Variants in ABCG8 observed in about 807,000 individuals in gnomAD.
ABCG8 encodes ATP-binding cassette sub-family G member 8.
ABCG8 carries 81 observed loss-of-function variants against 71.3 expected under a neutral mutation model. The observed-to-expected ratio is 1.14, with a 90% CI of 0.95 to 1.37. The LOEUF (loss-of-function observed/expected upper bound fraction) is 1.37. ABCG8 is among the 40% of genes most tolerant of loss of function. The pLI is 0.00. For synonymous variants in ABCG8, 451 were observed against 354.7 expected, an observed-to-expected ratio of 1.27 and a Z score of -3.05; for missense variants, 1,119 against 866.2, an observed-to-expected ratio of 1.29 and a Z score of -3.66.
At position 43,881,253 on chromosome 2, in the gene ABCG8, T is replaced by C. The variant is rs563973760; in HGVS notation, c.*3340T>C. ...GGAGGGATGGAGAAAATATAGCAGC[T>C]GCCATTTATTTGTGTTTTTCCTACA... On this transcript the variant is annotated 3_prime_UTR_variant, in exon 13 of 13. Transcript: ENST00000272286. 1.8e-3 allele frequency: 274 copies of C among 152,382 alleles called. No individual in the cohort carries two copies. Among genetic ancestry groups the C allele is most frequent in the Non-Finnish European group, 2.5e-3 (173 of 68,052 alleles). The allele number at this position is 152,382 out of a possible 1,614,324, so 9.4% of individuals were successfully genotyped here. A position where few individuals can be genotyped will look rare whatever the true frequency, so the allele number is the denominator to read the frequency against.
intron 3 of ABCG8, among the ~76,000 whole-genome samples, chr2:43,850,480 G>A (rs1273813400): frequency 1.3e-5 from 2 of 152,124 alleles, no homozygotes; most frequent in African/African-American, 2.4e-5. Flanking sequence ...TTAGGTTTGG[G>A]GATGCACAAG....
At chr2:43,854,349 C>G (rs4076835) in intron 6 of ABCG8, among the ~76,000 whole-genome samples, 1 of 151,904 alleles carries the variant, frequency 6.6e-6, no homozygotes, top group East Asian at 1.9e-4. Context: ...GAGGAAGGGC[C>G]GGGTGCAGTG....
In ABCG8 at chr2:43,846,814, A is replaced by G. The variant is rs183243785; in HGVS notation, c.322+503A>G. 46 of 178,404 alleles carry G rather than the reference A, an allele frequency of 2.6e-4. No individual in the cohort carries two copies. In the East Asian group the frequency reaches 3.7e-3, roughly 14 times the overall value. The allele number at this position is 178,404 out of a possible 1,614,324, so 11.1% of individuals were successfully genotyped here. Reference sequence around the variant, plus strand: ...TGGAGTGCCTCAAATTGTCATTTCCATGGCCAAATTTAAAATGAGAGAATG... The same window carrying G: ...TGGAGTGCCTCAAATTGTCATTTCCGTGGCCAAATTTAAAATGAGAGAATG... On this transcript the variant is annotated intron_variant, in intron 3 of 12. Coordinates refer to ENST00000272286, the MANE Select transcript of ABCG8 (RefSeq NM_022437.3).
chr2:43,867,584 T>A (rs1022657110), intron 6 of ABCG8, among the ~76,000 whole-genome samples: 2 of 151,990 alleles, frequency 1.3e-5, no homozygotes, highest in Middle Eastern at 3.2e-3. Flanking sequence ...ACCATCTGGA[T>A]AGAGCTCTCA....
Position 43,881,020 on chromosome 2 carries a change from C to T in ABCG8, c.*3107C>T, listed in dbSNP as rs984693728. On this transcript the variant is annotated 3_prime_UTR_variant, in exon 13 of 13. Coordinates refer to ENST00000272286, the MANE Select transcript of ABCG8 (RefSeq NM_022437.3). ...CCTTGTCACTGTGGTCCCCTAATGG[C>T]GTTAGGCCTGAATGAAGAAGGGGGA... The T allele has an allele frequency of 6.6e-6, 1 of 152,286 alleles. No individual in the cohort carries two copies. Among genetic ancestry groups the T allele is most frequent in the African/African-American group, 2.4e-5 (1 of 41,444 alleles). 9.4% of individuals were successfully genotyped at this position (152,286 alleles called of 1,614,324 possible).
rs1044175721 is a variant in ABCG8 at position 43,882,012 on chromosome 2, C to A, written c.*4099C>A. On this transcript the variant is annotated 3_prime_UTR_variant, in exon 13 of 13. Transcript: ENST00000272286. ...AAAACAGGCAGGTTGCTAGATTTGA[C>A]CTGAGGGTGTAGTTTGCAGAGCCTT... 2.0e-5 allele frequency: 3 copies of A among 152,126 alleles called. No individual in the cohort carries two copies. The highest frequency in any genetic ancestry group is 7.2e-5 in the African/African-American group (3 of 41,422). The allele number at this position is 152,126 out of a possible 1,614,324, so 9.4% of individuals were successfully genotyped here.
intron 6 of ABCG8, among the ~76,000 whole-genome samples, chr2:43,857,695 T>C (rs2104926739): frequency 6.6e-6 from 1 of 151,880 alleles, no homozygotes; most frequent in East Asian, 1.9e-4. Context: ...TCTTTCAGGA[T>C]AGAACTCTTA....
chr2:43,842,909 C>T (rs183466441), intron 1 of ABCG8, among the ~76,000 whole-genome samples: 1 of 152,312 alleles, frequency 6.6e-6, no homozygotes, highest in African/African-American at 2.4e-5. Context: ...CTGCGGCATA[C>T]TGTCACCGAA....
At chr2:43,845,987 G>T (rs1466996296) in intron 2 of ABCG8, among the ~76,000 whole-genome samples, 168 bp from the exon 3 acceptor site, 1 of 152,200 alleles carries the variant, frequency 6.6e-6, no homozygotes, top group Non-Finnish European at 1.5e-5. Context: ...CTCAGCATGG[G>T]TCCTGCTTCC....
intron 6 of ABCG8, among the ~76,000 whole-genome samples, chr2:43,858,154 TTGTC>T (rs1164760680): frequency 6.8e-6 from 1 of 146,918 alleles, no homozygotes; most frequent in Admixed American, 6.7e-5. Flanking sequence ...CTCTCACTAT[TTGTC>T]TGGATAGAGT....
chr2:43,858,040 T>A (rs1204335266), intron 6 of ABCG8, among the ~76,000 whole-genome samples: 2 of 151,362 alleles, frequency 1.3e-5, no homozygotes, highest in African/African-American at 4.8e-5. Context: ...CTGGATAGAA[T>A]TCTTACCATC....
Position 43,852,712 on chromosome 2 carries a change from C to T in ABCG8, c.808C>T (p.His270Tyr). The T allele has an allele frequency of 6.2e-7, 1 of 1,614,184 alleles. No individual in the cohort carries two copies. Among genetic ancestry groups the T allele is most frequent in the Non-Finnish European group, 8.5e-7 (1 of 1,180,030 alleles). The change falls in exon 6 of 13, where the codon CAC (histidine) becomes TAC (tyrosine). Residue 270 changes from histidine (H) to tyrosine (Y), a missense_variant. Coordinates refer to ENST00000272286, the MANE Select transcript of ABCG8 (RefSeq NM_022437.3). ...CAACCGGCTGGTGCTCATCTCCCTC[C>T]ACCAGCCTCGCTCTGACATCTTCAG... ...KGNRLVLISL[H>Y]QPRSDIFRLF... is the part of the protein sequence containing the mutation.
In ABCG8 at chr2:43,843,835, G is replaced by C. The variant is rs529355884; in HGVS notation, c.64-672G>C. ...GTACATTCAAATATACCACCACTTC[G>C]ACAATAACAACAACATGATGATGAT... On this transcript the variant is annotated intron_variant, in intron 1 of 12. Transcript: ENST00000272286. 1.4e-4 allele frequency among the ~76,000 whole-genome samples: 22 copies of C among 152,074 alleles called. No individual in the cohort carries two copies. In the South Asian group the frequency reaches 4.6e-3, roughly 32 times the overall value.
intron 6 of ABCG8, among the ~76,000 whole-genome samples, chr2:43,860,019 G>A (rs142900272): frequency 0.024 from 3,624 of 151,014 alleles, 60 homozygotes; most frequent in Non-Finnish European, 0.04. Context: ...CTGAGTATCT[G>A]GATAGAATTA....
intron 6 of ABCG8, among the ~76,000 whole-genome samples, chr2:43,864,734 A>C (rs751747930): frequency 6.6e-6 from 1 of 151,686 alleles, no homozygotes; most frequent in Non-Finnish European, 1.5e-5. Context: ...AACTCTCACT[A>C]TCTGGATAGA....
intron 5 of ABCG8, 42 bp downstream of exon 5, chr2:43,852,528 G>A (rs563411409): frequency 1.4e-5 from 23 of 1,613,840 alleles, no homozygotes; most frequent in Middle Eastern, 1.7e-4. Context: ...GGACCTGTGC[G>A]GTCCCCTCAG....
rs576160396 is a variant in ABCG8, at chr2:43,856,271, T to C, written c.964+3403T>C. On this transcript the variant is annotated intron_variant, in intron 6 of 12. Coordinates refer to ENST00000272286, the MANE Select transcript of ABCG8 (RefSeq NM_022437.3). ...CCATCCTGACAGAACTCTCAATATC[T>C]GGATGGAATTCTCACTCTCTGGATA... 2.0e-5 allele frequency among the ~76,000 whole-genome samples: 3 copies of C among 152,180 alleles called. No individual in the cohort carries two copies. The East Asian group carries it at 5.8e-4, about 29-fold the overall frequency.
At chr2:43,868,350 C>G (rs965013748) in intron 6 of ABCG8, among the ~76,000 whole-genome samples, 5 of 151,704 alleles carry the variant, frequency 3.3e-5, no homozygotes, top group Non-Finnish European at 7.4e-5. Context: ...TTCTCACTAT[C>G]TGGATAGAAC....
At chr2:43,877,237 G>A (rs1478028218) in intron 11 of ABCG8, among the ~76,000 whole-genome samples, 1 of 148,438 alleles carries the variant, frequency 6.7e-6, no homozygotes, top group African/African-American at 2.5e-5. Flanking sequence ...ACTGGATATG[G>A]GGGAGGCCGT....
Sources: allele counts gnomAD v4.1 joint callset (sites outside exome capture counted in the v4.1 genomes callset), GRCh38; gene constraint gnomAD v4.1.1; transcripts MANE v1.5; gene names NCBI Gene and HGNC (gene_info 2026-07-23, HGNC 2026-07-21).